Variants in GTF2E2 observed in about 807,000 individuals in gnomAD.
The protein encoded by GTF2E2 is general transcription factor IIE subunit 2.
In GTF2E2, 21 loss-of-function variants were observed where a neutral mutation model predicts 40.5. That is an observed-to-expected ratio of 0.52 (90% CI 0.37 to 0.75). GTF2E2 has a LOEUF of 0.75. GTF2E2 is among the 30% of genes least tolerant of loss of function. The probability of loss-of-function intolerance (pLI) is 0.00; values close to 1 mark genes in which losing one functional copy is unlikely to be tolerated. For synonymous variants in GTF2E2, 117 were observed against 121.6 expected (o/e 0.96, Z 0.25); for missense variants, 298 against 338.4 (o/e 0.88, Z 0.94).
intron 6 of GTF2E2, among the ~76,000 whole-genome samples, chr8:30,605,579 A>G (rs886672839): frequency 2.0e-5 from 3 of 152,108 alleles, no homozygotes; most frequent in Admixed American, 2.0e-4. Flanking sequence ...ATTTTTCAAA[A>G]TGATTGTTAT....
chr8:30,588,132 T>G (rs771470387), intron 6 of GTF2E2, among the ~76,000 whole-genome samples: 1 of 152,158 alleles, frequency 6.6e-6, no homozygotes, highest in Non-Finnish European at 1.5e-5. Context: ...GAAATGTAAA[T>G]TGGTGTAGCC....
intron 3 of GTF2E2, among the ~76,000 whole-genome samples, chr8:30,615,212 G>A (rs1488926931): frequency 6.6e-6 from 1 of 152,128 alleles, no homozygotes; most frequent in Non-Finnish European, 1.5e-5. Context: ...CTGGGAAGAG[G>A]AGGCTGCAGT....
chr8:30,621,318 A>G (rs1057145542), intron 3 of GTF2E2, among the ~76,000 whole-genome samples: 1 of 152,098 alleles, frequency 6.6e-6, no homozygotes, highest in Admixed American at 6.6e-5. Flanking sequence ...GACAGAAGTA[A>G]TAATCAATGC....
chr8:30,579,172 C>A (rs552980385), intron 7 of GTF2E2, 135 bp from the exon 8 acceptor site: 3 of 674,894 alleles, frequency 4.4e-6, no homozygotes, highest in African/African-American at 3.5e-5. Context: ...TGCCACCCAG[C>A]AGCACACATG....
chr8:30,590,226 G>A (rs748289512), intron 6 of GTF2E2, among the ~76,000 whole-genome samples: 9 of 152,124 alleles, frequency 5.9e-5, no homozygotes, highest in African/African-American at 1.2e-4. Flanking sequence ...CATGAGGCAC[G>A]ATGCCTCTGA....
intron 6 of GTF2E2, among the ~76,000 whole-genome samples, chr8:30,593,227 T>G (rs1441156284): frequency 6.6e-6 from 1 of 152,188 alleles, no homozygotes; most frequent in African/African-American, 2.4e-5. Context: ...CACAGTATTC[T>G]GCTGCTGCAG....
At chr8:30,654,284 T>C (rs1169829497) in intron 1 of GTF2E2, among the ~76,000 whole-genome samples, 1 of 152,256 alleles carries the variant, frequency 6.6e-6, no homozygotes, top group East Asian at 1.9e-4. Flanking sequence ...AGAAAAAAAC[T>C]ATTTAATTAC....
At chr8:30,615,307 A>G (rs779263466) in intron 3 of GTF2E2, among the ~76,000 whole-genome samples, 3 of 152,008 alleles carry the variant, frequency 2.0e-5, no homozygotes, top group Non-Finnish European at 4.4e-5. Context: ...ACAGAAAATG[A>G]CCCAAAGACA....
At chr8:30,593,336 C>A (rs974858852) in intron 6 of GTF2E2, among the ~76,000 whole-genome samples, 4 of 152,206 alleles carry the variant, frequency 2.6e-5, no homozygotes, top group Non-Finnish European at 4.4e-5. Flanking sequence ...CAATCAACTA[C>A]TGAAAGAGGA....
At chr8:30,598,666 T>A (rs1829083652) in intron 6 of GTF2E2, among the ~76,000 whole-genome samples, 1 of 152,246 alleles carries the variant, frequency 6.6e-6, no homozygotes, top group Admixed American at 6.5e-5. Flanking sequence ...AAATATGACA[T>A]CTACGTAAAT....
chr8:30,588,550 G>A (rs561583860), intron 6 of GTF2E2, among the ~76,000 whole-genome samples: 2 of 152,160 alleles, frequency 1.3e-5, no homozygotes, highest in South Asian at 2.1e-4. Context: ...GTAGAATGAT[G>A]GCTACTAGAG....
chr8:30,638,351 TA>T (rs1263946450), intron 2 of GTF2E2, among the ~76,000 whole-genome samples: 1 of 152,092 alleles, frequency 6.6e-6, no homozygotes, highest in East Asian at 1.9e-4. Context: ...AATGAAACAC[TA>T]AAGAATCATC....
At chr8:30,650,035 A>C (rs939990860) in intron 2 of GTF2E2, among the ~76,000 whole-genome samples, 4 of 152,198 alleles carry the variant, frequency 2.6e-5, no homozygotes, top group Non-Finnish European at 5.9e-5. Context: ...AAAAAATAAC[A>C]AAGTTTCACA....
At chr8:30,642,256 C>T (rs1801864653) in intron 2 of GTF2E2, among the ~76,000 whole-genome samples, 1 of 126,310 alleles carries the variant, frequency 7.9e-6, no homozygotes, top group Non-Finnish European at 1.6e-5. Flanking sequence ...ATTTTGAAAG[C>T]ACAAAGGGAT....
chr8:30,614,692 C>T lies in GTF2E2; in HGVS notation c.282G>A (p.Thr94=), dbSNP rs753094265. The change falls in exon 4 of 8, where the codon ACG becomes ACA. Residue 94 remains threonine, a synonymous_variant. Coordinates refer to ENST00000355904, the MANE Select transcript of GTF2E2 (RefSeq NM_002095.6). The part of the protein sequence containing the change: ...YMKTRHQRGD[T]HPLTLDEILD... Reference sequence around the variant, plus strand: ...AAATTTCATCTAAGGTTAGAGGATGCGTATCTCCTCGCTGATGCCGTGTCT... The same window carrying T: ...AAATTTCATCTAAGGTTAGAGGATGTGTATCTCCTCGCTGATGCCGTGTCT... The T allele has an allele frequency of 4.4e-6, 7 of 1,602,354 alleles. No individual in the cohort carries two copies. Among genetic ancestry groups the T allele is most frequent in the East Asian group, 2.2e-5 (1 of 44,684 alleles).
chr8:30,581,211 C>T (rs1306565375), intron 6 of GTF2E2, among the ~76,000 whole-genome samples: 2 of 152,136 alleles, frequency 1.3e-5, no homozygotes, highest in Non-Finnish European at 2.9e-5. Flanking sequence ...CTCTGAGCCC[C>T]GAGGCTTCAC....
intron 2 of GTF2E2, among the ~76,000 whole-genome samples, chr8:30,636,352 T>A (rs1013043959): frequency 3.3e-5 from 5 of 152,094 alleles, no homozygotes; most frequent in Non-Finnish European, 7.4e-5. Flanking sequence ...TGGCACCAGG[T>A]TGGTAATAAT....
chr8:30,601,873 C>G (rs1378538400), intron 6 of GTF2E2, among the ~76,000 whole-genome samples: 1 of 152,216 alleles, frequency 6.6e-6, no homozygotes, highest in Non-Finnish European at 1.5e-5. Context: ...GTTATGACAT[C>G]TAAGTTGCCA....
intron 3 of GTF2E2, among the ~76,000 whole-genome samples, chr8:30,623,142 T>C (rs1246657521): frequency 2.6e-5 from 4 of 152,086 alleles, no homozygotes; most frequent in Admixed American, 6.5e-5. Flanking sequence ...TATAAAAGTA[T>C]TAAATTGGGG....
Sources: allele counts gnomAD v4.1 joint callset (sites outside exome capture counted in the v4.1 genomes callset), GRCh38; gene constraint gnomAD v4.1.1; transcripts MANE v1.5; gene names NCBI Gene and HGNC (gene_info 2026-07-23, HGNC 2026-07-21).